BTBD10: variants seen among roughly 807,000 people sequenced by gnomAD.
BTBD10 encodes BTB/POZ domain-containing protein 10.
Under a neutral mutation model 53.2 loss-of-function variants are expected in BTBD10, and 21 were observed. The ratio of observed to expected loss-of-function variants is 0.39; its 90% CI spans 0.28 to 0.57. BTBD10 has a LOEUF of 0.57. BTBD10 is among the 20% of genes least tolerant of loss of function. The probability of loss-of-function intolerance (pLI) is 0.53; values close to 1 mark genes in which losing one functional copy is unlikely to be tolerated. For synonymous variants in BTBD10, 149 were observed against 192.7 expected, an observed-to-expected ratio of 0.77 and a Z score of 1.88; for missense variants, 360 against 594.7, an observed-to-expected ratio of 0.61 and a Z score of 4.10.
chr11:13,389,478 G>C (rs1394880051), intron 8 of BTBD10, among the ~76,000 whole-genome samples: 3 of 151,770 alleles, frequency 2.0e-5, no homozygotes, highest in Admixed American at 6.5e-5. Context: ...ACCCAGGCTG[G>C]AGTGCCATGT....
intron 8 of BTBD10, among the ~76,000 whole-genome samples, chr11:13,394,091 T>C (rs1031150872): frequency 6.6e-6 from 1 of 152,012 alleles, no homozygotes; most frequent in Non-Finnish European, 1.5e-5. Flanking sequence ...GAATTTAAAA[T>C]TTTTAGGTAA....
chr11:13,419,743 G>C lies in BTBD10; in HGVS notation c.301C>G (p.Arg101Gly). ...TSPTRQHHVE[R>G]EKDHSSSRPS... is the part of the protein sequence containing the mutation. ...CGAGAGGAACTGTGATCTTTTTCTC[G>C]TTCTGAAATAAAGATGTTAGACGAA... is the stretch of plus-strand genomic sequence containing the variant. Residue 101 changes from arginine (R) to glycine (G), a missense_variant and splice_region_variant, in exon 4 of 9, where the codon CGA (arginine) becomes GGA (glycine). Arg to Gly is a moderately radical substitution (Grantham distance 125). Coordinates refer to ENST00000278174, the MANE Select transcript of BTBD10 (RefSeq NM_032320.7). The C allele has an allele frequency of 6.4e-7, 1 of 1,566,800 alleles. No individual in the cohort carries two copies. The highest frequency in any genetic ancestry group is 8.6e-7 in the Non-Finnish European group (1 of 1,156,242).
At chr11:13,444,977 A>G in intron 2 of BTBD10, 47 bp downstream of exon 2, 1 of 1,434,956 alleles carries the variant, frequency 7.0e-7, no homozygotes, top group Non-Finnish European at 9.8e-7. Context: ...CTTTACAATC[A>G]GTTTTTAGCA....
intron 2 of BTBD10, among the ~76,000 whole-genome samples, chr11:13,433,253 T>C (rs1436364757): frequency 6.6e-6 from 1 of 152,194 alleles, no homozygotes; most frequent in African/African-American, 2.4e-5. Flanking sequence ...TGCCTTCCTG[T>C]AATGGAGCTG....
At chr11:13,403,932 G>C (rs556534219) in intron 7 of BTBD10, among the ~76,000 whole-genome samples, 2 of 152,256 alleles carry the variant, frequency 1.3e-5, no homozygotes, top group Non-Finnish European at 2.9e-5. Flanking sequence ...TCTTCCAAAT[G>C]TGCTGAGAAC....
At chr11:13,420,465 ATT>A (rs1390161146) in intron 3 of BTBD10, among the ~76,000 whole-genome samples, 3 of 152,162 alleles carry the variant, frequency 2.0e-5, no homozygotes, top group Non-Finnish European at 4.4e-5. Context: ...GGTAGAAAAT[ATT>A]GTTAAAATTC....
chr11:13,415,219 C>T (rs1284700612), intron 5 of BTBD10, among the ~76,000 whole-genome samples: 2 of 147,232 alleles, frequency 1.4e-5, no homozygotes, highest in Non-Finnish European at 3.0e-5. Flanking sequence ...CTCAAAAGAT[C>T]TTCCCACCTC....
chr11:13,454,549 T>G (rs1318264299), intron 1 of BTBD10, among the ~76,000 whole-genome samples: 3 of 152,174 alleles, frequency 2.0e-5, no homozygotes, highest in Non-Finnish European at 4.4e-5. Context: ...AGTATCTAAT[T>G]TCACCATATA....
intron 2 of BTBD10, among the ~76,000 whole-genome samples, chr11:13,432,137 T>C (rs563682365): frequency 2.0e-5 from 3 of 152,234 alleles, no homozygotes; most frequent in African/African-American, 7.2e-5. Context: ...ATTCCACTTA[T>C]ATAATGTTCT....
chr11:13,414,180 C>A (rs73423569), intron 5 of BTBD10, among the ~76,000 whole-genome samples: 1,820 of 152,078 alleles, frequency 0.012, 14 homozygotes, highest in African/African-American at 0.026. Flanking sequence ...TTAATACTAC[C>A]CTTTGGTGAT....
At chr11:13,440,133 C>T in intron 2 of BTBD10, 9 of 1,508,008 alleles carry the variant, frequency 6.0e-6, no homozygotes, top group Non-Finnish European at 8.0e-6. Flanking sequence ...CCTCCCTCTA[C>T]TGTGTAATAA....
At chr11:13,413,683 A>G (rs770935593) in intron 5 of BTBD10, 33 bp from the exon 6 acceptor site, 2 of 1,593,370 alleles carry the variant, frequency 1.3e-6, no homozygotes, top group Admixed American at 3.5e-5. Flanking sequence ...AGCATAAAAT[A>G]TCTGGAGCAT....
chr11:13,415,602 T>C (rs1950085856), intron 5 of BTBD10, among the ~76,000 whole-genome samples: 3 of 151,944 alleles, frequency 2.0e-5, no homozygotes, highest in African/African-American at 7.2e-5. Context: ...TAGACATATA[T>C]AACAAAGTTT....
chr11:13,460,452 G>T (rs307245), intron 1 of BTBD10, among the ~76,000 whole-genome samples: 34,527 of 152,006 alleles, frequency 0.23, 4,840 homozygotes, highest in East Asian at 0.52. Flanking sequence ...ACCCAACTAG[G>T]TATGAATCAG....
At chr11:13,412,377 C>T (rs753710198) in intron 6 of BTBD10, among the ~76,000 whole-genome samples, 3 of 152,082 alleles carry the variant, frequency 2.0e-5, no homozygotes, top group Non-Finnish European at 4.4e-5. Context: ...CCCTTGAACT[C>T]AGGAAGCAGA....
intron 1 of BTBD10, among the ~76,000 whole-genome samples, chr11:13,447,073 C>T (rs1298346188): frequency 1.3e-5 from 2 of 152,170 alleles, no homozygotes; most frequent in Non-Finnish European, 2.9e-5. Context: ...TTTCCTTACT[C>T]TACATATCCT....
intron 8 of BTBD10, among the ~76,000 whole-genome samples, chr11:13,396,609 T>G (rs577942167): frequency 3.3e-5 from 5 of 152,142 alleles, no homozygotes; most frequent in Middle Eastern, 3.2e-3. Flanking sequence ...GGGCATCCCT[T>G]TCTTGTGCCA....
intron 1 of BTBD10, among the ~76,000 whole-genome samples, chr11:13,447,678 C>T (rs1331380079): frequency 6.6e-6 from 1 of 152,036 alleles, no homozygotes; most frequent in African/African-American, 2.4e-5. Flanking sequence ...TCACAGCAAG[C>T]CATAAGAAAG....
intron 4 of BTBD10, among the ~76,000 whole-genome samples, chr11:13,417,720 G>A (rs1023083880): frequency 3.9e-5 from 6 of 152,136 alleles, no homozygotes; most frequent in Non-Finnish European, 8.8e-5. Context: ...TATGATACAG[G>A]ACAAGTCAGG....
Sources: allele counts gnomAD v4.1 joint callset (sites outside exome capture counted in the v4.1 genomes callset), GRCh38; gene constraint gnomAD v4.1.1; transcripts MANE v1.5; gene names NCBI Gene and HGNC (gene_info 2026-07-23, HGNC 2026-07-21).